SIGIRR: variants seen among roughly 807,000 people sequenced by gnomAD.
The protein encoded by SIGIRR is single Ig IL-1-related receptor.
A neutral mutation model predicts 45.6 loss-of-function variants in SIGIRR; 41 were observed. The ratio of observed to expected loss-of-function variants is 0.90; its 90% CI spans 0.70 to 1.17. SIGIRR has a LOEUF of 1.17. Among genes scored for constraint, SIGIRR ranks in the 50% most tolerant of loss-of-function variants. The pLI, the probability that SIGIRR is intolerant of heterozygous loss-of-function variation, is 0.00. For missense variants in SIGIRR, 599 were observed against 539.6 expected (o/e 1.11, Z -1.09); for synonymous variants, 298 against 239.0 (o/e 1.25, Z -2.28).
At chr11:416,497 A>G (rs574665050), upstream of SIGIRR, among the ~76,000 whole-genome samples, 295 of 152,028 alleles carry the variant, frequency 1.9e-3, no homozygotes, top group Non-Finnish European at 3.6e-3. The surrounding 1 kb of genome is among the most constrained non-coding windows in gnomAD (Gnocchi z 9.1). Context: ...CGCACTGCCC[A>G]CCGCACTCTG....
chr11:408,463 A>T (rs1847452086), intron 3 of SIGIRR, among the ~76,000 whole-genome samples: 1 of 152,108 alleles, frequency 6.6e-6, no homozygotes, highest in Non-Finnish European at 1.5e-5. Flanking sequence ...TTCAGACCCT[A>T]GACTTTGCTG....
In SIGIRR at chr11:412,378, C is replaced by G. The variant is rs1404123591; in HGVS notation, c.-153-2351G>C. On this transcript the variant is annotated intron_variant, in intron 1 of 9. Coordinates refer to ENST00000431843, the MANE Select transcript of SIGIRR (RefSeq NM_001135054.2). Reference sequence around the variant, plus strand: ...GAATGCAGTCGGGGAGGGGGGTGCCCAGCTCTGACCATGTCTGGATGCAGT... The same window carrying G: ...GAATGCAGTCGGGGAGGGGGGTGCCGAGCTCTGACCATGTCTGGATGCAGT... 8.2e-4 allele frequency among the ~76,000 whole-genome samples: 41 copies of G among 49,918 alleles called. 2 individuals carry two copies. The highest frequency in any genetic ancestry group is 3.4e-3 in the African/African-American group (39 of 11,418). The allele number at this position is 49,918 out of a possible 152,430, so 32.7% of individuals were successfully genotyped here. A position where few individuals can be genotyped will look rare whatever the true frequency, so the allele number is the denominator to read the frequency against.
chr11:406,765 G>A lies in SIGIRR; in HGVS notation c.879+78C>T, dbSNP rs1030565229. The stretch of plus-strand genomic sequence containing the variant: ...TGGTGCCGCAGAGCTCCCCACGGAG[G>A]GGTCCCAGCCTGGAGCCCGGGCACC... On this transcript the variant is annotated intron_variant, in intron 8 of 9. Transcript: ENST00000431843. 5.5e-6 allele frequency: 8 copies of A among 1,441,562 alleles called. No homozygotes were observed. The African/African-American group carries it at 5.7e-5, about 10-fold the overall frequency. The allele number at this position is 1,441,562 out of a possible 1,614,324, so 89.3% of individuals were successfully genotyped here. A position where few individuals can be genotyped will look rare whatever the true frequency, so the allele number is the denominator to read the frequency against.
chr11:410,746 G>C (rs1321528634), intron 1 of SIGIRR, among the ~76,000 whole-genome samples: 4 of 83,056 alleles, frequency 4.8e-5, no homozygotes, highest in East Asian at 4.0e-4. Flanking sequence ...ATGCAGTCGG[G>C]GGGTGCCCAG....
rs140256248 is a variant in SIGIRR, at chr11:408,154, C to T, written c.259G>A (p.Val87Met). 156 of 1,612,796 alleles carry T rather than the reference C, an allele frequency of 9.7e-5. 1 individual carries two copies. Among genetic ancestry groups the T allele is most frequent in the South Asian group, 8.9e-4 (81 of 91,088 alleles). The change falls in exon 4 of 10, where the codon GTG becomes ATG. Residue 87 changes from valine (V) to methionine (M), a missense_variant. Physicochemically the swap from Val to Met is conservative, Grantham distance 21. Coordinates refer to ENST00000431843, the MANE Select transcript of SIGIRR (RefSeq NM_001135054.2). ...VLVSSVLGVN[V>M]TSTEVYGAFT... ...GCCCCATAGACTTCAGTGCTGGTCACGTTGACCCCCAGGACACTGGACACA... is the reference window on the plus strand; with the variant it reads ...GCCCCATAGACTTCAGTGCTGGTCATGTTGACCCCCAGGACACTGGACACA...
upstream of SIGIRR, chr11:415,046 C>G (rs1264758894): frequency 1.4e-5 from 3 of 219,176 alleles, no homozygotes; most frequent in Non-Finnish European, 2.3e-5. This position sits in a 1 kb window ranked among gnomAD's most constrained non-coding sequence, Gnocchi z 6.6. Flanking sequence ...TAACCCTAAA[C>G]CCCACCCAGG....
chr11:409,652 G>A (rs1269497849), intron 2 of SIGIRR: 7 of 451,440 alleles, frequency 1.6e-5, no homozygotes, highest in African/African-American at 1.4e-4. Context: ...CATGAGCCTG[G>A]TCTGGGGCAG....
In SIGIRR at chr11:406,640, C is replaced by T. The variant is rs1046267890; in HGVS notation, c.880-102G>A. Reference sequence around the variant, plus strand: ...CTGCGGCTGCCCACGGGTTCCACGCCCTGCGACAGCTATTCCGTGGCTCCG... The same window carrying T: ...CTGCGGCTGCCCACGGGTTCCACGCTCTGCGACAGCTATTCCGTGGCTCCG... On this transcript the variant is annotated intron_variant, in intron 8 of 9. Transcript: ENST00000431843. 1.4e-5 allele frequency: 20 copies of T among 1,449,666 alleles called. No homozygotes were observed. The African/African-American group carries it at 2.9e-4, about 21-fold the overall frequency. The allele number at this position is 1,449,666 out of a possible 1,614,324, so 89.8% of individuals were successfully genotyped here. A position where few individuals can be genotyped will look rare whatever the true frequency, so the allele number is the denominator to read the frequency against.
rs371513152 is a variant in SIGIRR, at chr11:410,288, G to A, written c.-153-261C>T. 2.2e-4 allele frequency among the ~76,000 whole-genome samples: 34 copies of A among 152,228 alleles called. No individual in the cohort carries two copies. The East Asian group carries it at 4.5e-3, about 20-fold the overall frequency. On this transcript the variant is annotated intron_variant, in intron 1 of 9. Transcript: ENST00000431843. ...CCACCGGCCCTGGGGCCACCATGACGGCCCCAGGGTGCAGTGGACGAACAC... is the reference window on the plus strand; with the variant it reads ...CCACCGGCCCTGGGGCCACCATGACAGCCCCAGGGTGCAGTGGACGAACAC...
Position 407,069 on chromosome 11 carries a change from T to C in SIGIRR, c.721A>G (p.Ser241Gly). Residue 241 changes from serine to glycine, a missense_variant, in exon 7 of 10, where the codon AGC becomes GGC. Coordinates refer to ENST00000431843, the MANE Select transcript of SIGIRR (RefSeq NM_001135054.2). ...ACCCCGCGCGGGACCCACCGGAAGCTGTGGCTGCACCAGGCCCGGCTCAGG... is the reference window on the plus strand; with the variant it reads ...ACCCCGCGCGGGACCCACCGGAAGCCGTGGCTGCACCAGGCCCGGCTCAGG... ...AFLSRAWCSHSFREGLCRLLE... is the reference protein window; with the variant it reads ...AFLSRAWCSHGFREGLCRLLE... The C allele has an allele frequency of 6.3e-7, 1 of 1,579,168 alleles. No individual in the cohort carries two copies.
Position 408,772 on chromosome 11 carries a change from G to A in SIGIRR, c.129C>T (p.Ser43=). ...CTTTCAGCCACTGGACTGAAGGCAGGGAGCAGTGGGGCCCAGAGACTACCC... is the reference window on the plus strand; with the variant it reads ...CTTTCAGCCACTGGACTGAAGGCAGAGAGCAGTGGGGCCCAGAGACTACCC... The part of the protein sequence containing the change: ...TAWVVSGPHC[S]LPSVQWLKDG... Residue 43 remains serine (S), a synonymous_variant, in exon 3 of 10, where the codon TCC becomes TCT. Coordinates refer to ENST00000431843, the MANE Select transcript of SIGIRR (RefSeq NM_001135054.2). 9.3e-6 allele frequency: 15 copies of A among 1,612,782 alleles called. No individual in the cohort carries two copies. Among genetic ancestry groups the A allele is most frequent in the Non-Finnish European group, 1.3e-5 (15 of 1,179,998 alleles).
At chr11:410,105 G>A in intron 1 of SIGIRR, 78 bp from the exon 2 acceptor site, 1 of 1,197,902 alleles carries the variant, frequency 8.3e-7, no homozygotes, top group South Asian at 4.1e-5. Context: ...GACAGCACTG[G>A]CCCTGACCAG....
At chr11:407,024 G>A (rs1847347648) in intron 7 of SIGIRR, 31 bp from the exon 8 acceptor site, 1 of 1,582,300 alleles carries the variant, frequency 6.3e-7, no homozygotes, top group Admixed American at 1.8e-5. Flanking sequence ...GGGGGTGGGT[G>A]CTACGCTGGG....
intron 8 of SIGIRR, 98 bp downstream of exon 8, chr11:406,745 C>CCGCAGA: frequency 7.0e-7 from 1 of 1,429,036 alleles, no homozygotes; most frequent in Non-Finnish European, 9.2e-7. Flanking sequence ...AAGCGTGGTG[C>CCGCAGA]CGCAGAGCTC....
Position 407,079 on chromosome 11 carries a change from C to G in SIGIRR, c.711G>C (p.Trp237Cys). ...GGACCCACCGGAAGCTGTGGCTGCA[C>G]CAGGCCCGGCTCAGGAAGGCGTCCG... is the stretch of plus-strand genomic sequence containing the variant. ...VLSDAFLSRA[W>C]CSHSFREGLC... The change falls in exon 7 of 10, where the codon TGG becomes TGC. Residue 237 changes from tryptophan to cysteine, a missense_variant. Trp to Cys is a radical substitution (Grantham distance 215). Coordinates refer to ENST00000431843, the MANE Select transcript of SIGIRR (RefSeq NM_001135054.2). The G allele has an allele frequency of 6.4e-7, 1 of 1,556,276 alleles. No homozygotes were observed.
At chr11:409,415 T>G in intron 2 of SIGIRR, 1 of 258,698 alleles carries the variant, frequency 3.9e-6, no homozygotes, top group Non-Finnish European at 7.6e-6. Context: ...TTGGCCTCAT[T>G]CCTGCCTTGG....
At chr11:414,687 G>A (rs144278807) in intron 1 of SIGIRR, 136 bp downstream of exon 1, 6 of 534,086 alleles carry the variant, frequency 1.1e-5, no homozygotes, top group Non-Finnish European at 1.4e-5. Context: ...CCGCTGATGC[G>A]ACACAGCCTC....
At position 407,479 on chromosome 11, in the gene SIGIRR, G is replaced by T; in HGVS notation, c.571C>A (p.Arg191=). ...VNFILKPQLE[R]RRGYKLFLDD... ...AGGAAGAGCTTGTAGCCCCGACGCC[G>T]CTCCAGCTGCGGCTTTAGGATGAAG... is the stretch of plus-strand genomic sequence containing the variant. Residue 191 remains arginine (R), a synonymous_variant, in exon 6 of 10, where the codon CGG becomes AGG. Coordinates refer to ENST00000431843, the MANE Select transcript of SIGIRR (RefSeq NM_001135054.2). The T allele has an allele frequency of 5.7e-6, 9 of 1,584,574 alleles. No homozygotes were observed. The highest frequency in any genetic ancestry group is 7.7e-6 in the Non-Finnish European group (9 of 1,166,288).
chr11:409,920 A>AC lies in SIGIRR; in HGVS notation c.-47dup. On this transcript the variant is annotated 5_prime_UTR_variant, in exon 2 of 10. Transcript: ENST00000431843. Reference sequence around the variant, plus strand: ...TCGGGGCAGGCTGGGCTCCAGGGTCACCCCTGGCTCCACCGGGCTCCTCGG... The same window carrying AC: ...TCGGGGCAGGCTGGGCTCCAGGGTCACCCCCTGGCTCCACCGGGCTCCTCGG... 1 of 1,284,708 alleles carries AC rather than the reference A, an allele frequency of 7.8e-7. No individual in the cohort carries two copies. Among genetic ancestry groups the AC allele is most frequent in the Non-Finnish European group, 9.9e-7 (1 of 1,009,340 alleles). 79.6% of individuals were successfully genotyped at this position (1,284,708 alleles called of 1,614,324 possible).
Sources: allele counts gnomAD v4.1 joint callset (sites outside exome capture counted in the v4.1 genomes callset), GRCh38; gene constraint gnomAD v4.1.1; non-coding constraint Gnocchi (gnomAD v3.1); transcripts MANE v1.5; gene names NCBI Gene and HGNC (gene_info 2026-07-23, HGNC 2026-07-21).